FAH: variants seen among roughly 807,000 people sequenced by gnomAD.
The protein encoded by FAH is fumarylacetoacetate hydrolase, also known as fumarylacetoacetase.
Under a neutral mutation model 55.8 loss-of-function variants are expected in FAH, and 47 were observed. That is an observed-to-expected ratio of 0.84 (90% CI 0.67 to 1.07). FAH has a LOEUF of 1.07. Ranked by LOEUF, FAH falls within the 50% of genes least tolerant of loss-of-function variation. FAH has a pLI of 0.00. For synonymous variants in FAH, 199 were observed against 207.7 expected, an observed-to-expected ratio of 0.96 and a Z score of 0.36; for missense variants, 495 against 545.9, an observed-to-expected ratio of 0.91 and a Z score of 0.93.
intron 10 of FAH, chr15:80,177,274 A>G (rs947178214): frequency 3.9e-6 from 2 of 508,282 alleles, no homozygotes; most frequent in Non-Finnish European, 7.1e-6. Flanking sequence ...CTGAGGCTAC[A>G]TATGGACTCA....
intron 3 of FAH, 133 bp downstream of exon 3, chr15:80,160,010 C>A (rs1366755446): frequency 1.6e-6 from 2 of 1,221,456 alleles, no homozygotes; most frequent in Non-Finnish European, 2.3e-6. Context: ...CCTCATCCAG[C>A]CCCTGCCTGA....
In FAH at chr15:80,160,448, C is replaced by T; in HGVS notation, c.353C>T (p.Pro118Leu). The change falls in exon 4 of 14, where the codon CCA (proline) becomes CTA (leucine). Residue 118 changes from proline to leucine, a missense_variant. Pro to Leu is a moderately conservative substitution (Grantham distance 98, BLOSUM62 -3). Transcript: ENST00000561421. Reference sequence around the variant, plus strand: ...CAGGCTTCTGCCACGATGCACCTTCCAGCCACCATAGGTGAGTGCAGTCTC... The same window carrying T: ...CAGGCTTCTGCCACGATGCACCTTCTAGCCACCATAGGTGAGTGCAGTCTC... ...ISQASATMHL[P>L]ATIGDYTDFY... 2 of 1,614,238 alleles carry T rather than the reference C, an allele frequency of 1.2e-6. No individual in the cohort carries two copies. Among genetic ancestry groups the T allele is most frequent in the Non-Finnish European group, 8.5e-7 (1 of 1,180,034 alleles).
intron 8 of FAH, among the ~76,000 whole-genome samples, chr15:80,172,658 T>C (rs750945216): frequency 6.6e-6 from 1 of 152,226 alleles, no homozygotes; most frequent in African/African-American, 2.4e-5. Context: ...ACAGTCCAGC[T>C]TCTGAGCCTG....
chr15:80,154,333 C>G (rs1595888920), intron 1 of FAH, among the ~76,000 whole-genome samples: 1 of 152,250 alleles, frequency 6.6e-6, no homozygotes, highest in Non-Finnish European at 1.5e-5. Context: ...GAGGCAGGCA[C>G]ACCCCAGTAG....
At chr15:80,177,624 GGAAA>G (rs1217776051) in intron 11 of FAH, 41 bp downstream of exon 11, 1 of 1,568,232 alleles carries the variant, frequency 6.4e-7, no homozygotes, top group Non-Finnish European at 8.8e-7. Context: ...TAGAATTGAG[GGAAA>G]GAGAGACTTT....
At chr15:80,155,742 T>C (rs1379698441) in intron 1 of FAH, among the ~76,000 whole-genome samples, 1 of 151,388 alleles carries the variant, frequency 6.6e-6, no homozygotes, top group African/African-American at 2.4e-5. Context: ...GGAGGGTGAG[T>C]CATCCAAGTG....
chr15:80,159,865 A>G lies in FAH; in HGVS notation c.302A>G (p.Glu101Gly), dbSNP rs758347578. ...CAAGCCAGGCTCAGAGATGACACCG[A>G]ACTTCGGAAGTGGTGAGAAGCACGT... ...VSQARLRDDT[E>G]LRKCAFISQA... is the part of the protein sequence containing the mutation. Residue 101 changes from glutamate (E) to glycine (G), a missense_variant, in exon 3 of 14, where the codon GAA (glutamate) becomes GGA (glycine). Transcript: ENST00000561421. The G allele has an allele frequency of 4.2e-5, 67 of 1,614,100 alleles. No individual in the cohort carries two copies. The Admixed American group carries it at 1.1e-3, about 27-fold the overall frequency.
At chr15:80,176,080 C>T (rs544661046) in intron 10 of FAH, among the ~76,000 whole-genome samples, 1 of 151,830 alleles carries the variant, frequency 6.6e-6, no homozygotes, top group Admixed American at 6.6e-5. Flanking sequence ...TGCAATGGTG[C>T]GATCTTGGCT....
chr15:80,180,318 T>C (rs920862615), intron 12 of FAH, 93 bp downstream of exon 12: 1 of 998,860 alleles, frequency 1.0e-6, no homozygotes, highest in African/African-American at 1.6e-5. Context: ...CGAGAAGAGA[T>C]TTCAGGCCCG....
chr15:80,162,238 C>G lies in FAH; in HGVS notation c.365-8C>G. ...GCTGATGGGATCTGTTGGGTCTTTCCTCTGCAGGAGACTACACAGACTTCT... is the reference window on the plus strand; with the variant it reads ...GCTGATGGGATCTGTTGGGTCTTTCGTCTGCAGGAGACTACACAGACTTCT... On this transcript the variant is annotated splice_polypyrimidine_tract_variant and splice_region_variant and intron_variant, in intron 4 of 13. Transcript: ENST00000561421. The G allele has an allele frequency of 6.2e-7, 1 of 1,612,532 alleles. No homozygotes were observed. The highest frequency in any genetic ancestry group is 2.2e-5 in the East Asian group (1 of 44,872).
chr15:80,182,223 G>A (rs1368270206), intron 13 of FAH, among the ~76,000 whole-genome samples: 3 of 152,020 alleles, frequency 2.0e-5, no homozygotes, highest in Non-Finnish European at 4.4e-5. Context: ...ACACACATGT[G>A]ATAGCATTTA....
intron 8 of FAH, 36 bp from the exon 9 acceptor site, chr15:80,172,978 G>A (rs746464745): frequency 1.2e-6 from 2 of 1,614,172 alleles, no homozygotes; most frequent in East Asian, 4.5e-5. Context: ...GCCCTGATCA[G>A]CCTTTGTAAG....
chr15:80,162,674 A>T (rs1475126027), intron 5 of FAH: 1 of 382,360 alleles, frequency 2.6e-6, no homozygotes, highest in African/African-American at 2.1e-5. Context: ...AGCATGCTCC[A>T]TACTTACATT....
intron 13 of FAH, among the ~76,000 whole-genome samples, chr15:80,182,831 C>T (rs2041341994): frequency 6.6e-6 from 1 of 152,160 alleles, no homozygotes; most frequent in South Asian, 2.1e-4. Context: ...GGCCTTTGGT[C>T]ACGGTTCTGT....
rs551797852 is a variant in FAH at position 80,170,563 on chromosome 15, G to T, written c.607-1586G>T. Among the ~76,000 whole-genome samples, 5 of 152,368 alleles carry T rather than the reference G, an allele frequency of 3.3e-5. No homozygotes were observed. The East Asian group carries it at 9.6e-4, about 29-fold the overall frequency. ...AAGGGTACTATGTGAGACTGCGGGA[G>T]GAGGACCCCCAGCTGAGATTCATCA... On this transcript the variant is annotated intron_variant, in intron 7 of 13. Transcript: ENST00000561421.
intron 2 of FAH, among the ~76,000 whole-genome samples, chr15:80,159,530 G>A (rs1021055739): frequency 6.6e-6 from 1 of 152,224 alleles, no homozygotes; most frequent in Non-Finnish European, 1.5e-5. Context: ...CCTGGGCTTG[G>A]ACAATTGTGT....
intron 11 of FAH, among the ~76,000 whole-genome samples, chr15:80,178,402 AT>A (rs1216126974): frequency 6.6e-6 from 1 of 151,310 alleles, no homozygotes; most frequent in Non-Finnish European, 1.5e-5. Flanking sequence ...ACCATGTATT[AT>A]TTTTTTTCTG....
At chr15:80,180,325 C>A in intron 12 of FAH, 100 bp downstream of exon 12, 1 of 917,760 alleles carries the variant, frequency 1.1e-6, no homozygotes, top group Non-Finnish European at 1.7e-6. Flanking sequence ...AGATTTCAGG[C>A]CCGAGGTGGG....
Position 80,162,318 on chromosome 15 carries a change from AT to A in FAH, c.438del (p.Asn146LysfsTer3), listed in dbSNP as rs779642226. 2 of 1,613,942 alleles carry A rather than the reference AT, an allele frequency of 1.2e-6. No homozygotes were observed. The highest frequency in any genetic ancestry group is 2.7e-5 in the African/African-American group (2 of 74,948). On this transcript the variant is annotated frameshift_variant, in exon 5 of 14. Transcript: ENST00000561421. LOFTEE classifies it high-confidence loss of function. ...NVGIMFRDKE[N>X]ALMPNWLHLP... is the part of the protein sequence containing the mutation. ...GGAATCATGTTCAGGGACAAGGAGA[AT>A]GCGTTGATGCCAAATTGGTATGAAC...
Sources: allele counts gnomAD v4.1 joint callset (sites outside exome capture counted in the v4.1 genomes callset), GRCh38; gene constraint gnomAD v4.1.1; transcripts MANE v1.5; gene names NCBI Gene and HGNC (gene_info 2026-07-23, HGNC 2026-07-21).